Variants in CFI observed in about 807,000 individuals in gnomAD.
CFI encodes C3B/C4B inactivator.
In CFI, 66 loss-of-function variants were observed where a neutral mutation model predicts 78.8. The observed-to-expected ratio is 0.84, with a 90% CI of 0.69 to 1.03. The LOEUF is 1.03. Among genes scored for constraint, CFI ranks in the 50% least tolerant of loss-of-function variants. The pLI is 0.00. For missense variants in CFI, 706 were observed against 704.5 expected (o/e 1.00, Z -0.02); for synonymous variants, 250 against 232.6 (o/e 1.07, Z -0.68).
At chr4:109,744,153 CTTTG>C (rs1419861373) in intron 11 of CFI, among the ~76,000 whole-genome samples, 4 of 152,032 alleles carry the variant, frequency 2.6e-5, no homozygotes, top group Admixed American at 2.6e-4. Context: ...AATGTGTGGA[CTTTG>C]TTTGGATCTT....
intron 10 of CFI, among the ~76,000 whole-genome samples, chr4:109,747,503 C>G (rs1724624350): frequency 6.6e-6 from 1 of 152,116 alleles, no homozygotes; most frequent in South Asian, 2.1e-4. Flanking sequence ...AGGCATCTAC[C>G]ATCATCTTCT....
intron 7 of CFI, among the ~76,000 whole-genome samples, chr4:109,754,281 C>A (rs1345374481): frequency 6.6e-6 from 1 of 151,836 alleles, no homozygotes; most frequent in East Asian, 1.9e-4. Context: ...TGTGCCTGGC[C>A]TCCCAAGGTG....
At chr4:109,766,477 T>G in intron 2 of CFI, 77 bp downstream of exon 2, 10 of 1,535,652 alleles carry the variant, frequency 6.5e-6, no homozygotes, top group African/African-American at 1.4e-5. Flanking sequence ...CACAAGAGAA[T>G]TATTTTCTGA....
At chr4:109,758,704 G>A (rs556162252) in intron 6 of CFI, among the ~76,000 whole-genome samples, 1 of 152,342 alleles carries the variant, frequency 6.6e-6, no homozygotes, top group South Asian at 2.1e-4. Flanking sequence ...GACACACCAA[G>A]CTGATCAAGT....
At chr4:109,772,386 G>T (rs1349340378) in intron 1 of CFI, among the ~76,000 whole-genome samples, 1 of 152,232 alleles carries the variant, frequency 6.6e-6, no homozygotes, top group Admixed American at 6.5e-5. Context: ...AACGATGTGA[G>T]TATGCCTCAT....
chr4:109,786,751 T>A lies in CFI; in HGVS notation c.57+15164A>T, dbSNP rs570310130. ...TATAAAATGTGGAAAATAAAAATAATGTTCACACAGAGATAGTGTGAGGAT... is the reference window on the plus strand; with the variant it reads ...TATAAAATGTGGAAAATAAAAATAAAGTTCACACAGAGATAGTGTGAGGAT... On this transcript the variant is annotated intron_variant, in intron 1 of 12. Transcript: ENST00000394634. Among the ~76,000 whole-genome samples the A allele has an allele frequency of 2.6e-5, 4 of 152,194 alleles. No homozygotes were observed. The South Asian group carries it at 8.3e-4, about 32-fold the overall frequency.
intron 6 of CFI, chr4:109,758,102 A>C: frequency 1.8e-6 from 1 of 542,960 alleles, no homozygotes; most frequent in Non-Finnish European, 3.0e-6. Context: ...TCATCCCTAA[A>C]TAAGAGTAAA....
At chr4:109,771,572 G>T (rs1728595054) in intron 1 of CFI, among the ~76,000 whole-genome samples, 1 of 151,332 alleles carries the variant, frequency 6.6e-6, no homozygotes, top group Admixed American at 6.6e-5. Context: ...AAATTAGCCG[G>T]GCGTAGTGGT....
chr4:109,767,989 G>A (rs1329189008), intron 1 of CFI, among the ~76,000 whole-genome samples: 14 of 151,744 alleles, frequency 9.2e-5, no homozygotes, highest in Non-Finnish European at 7.4e-5. Context: ...GTAGGGACAT[G>A]GATGAAGCTG....
At chr4:109,742,737 G>T (rs1723961462) in intron 11 of CFI, 142 bp from the exon 12 acceptor site, 4 of 633,414 alleles carry the variant, frequency 6.3e-6, no homozygotes, top group Middle Eastern at 8.6e-4. Flanking sequence ...TCCTTAGCGT[G>T]TTTAATCATA....
At chr4:109,784,898 A>T (rs1399209091) in intron 1 of CFI, among the ~76,000 whole-genome samples, 1 of 152,042 alleles carries the variant, frequency 6.6e-6, no homozygotes, top group African/African-American at 2.4e-5. Flanking sequence ...CAACTGAAAG[A>T]ACCACAAAAG....
chr4:109,739,852 T>A (rs1723605604), downstream of CFI, among the ~76,000 whole-genome samples: 1 of 152,116 alleles, frequency 6.6e-6, no homozygotes, highest in Non-Finnish European at 1.5e-5. Context: ...CTAATGCTGC[T>A]GCGATGAGAA....
In CFI at chr4:109,742,883, T is replaced by G. The variant is rs17040799; in HGVS notation, c.1430-288A>C. On this transcript the variant is annotated intron_variant, in intron 11 of 12. Transcript: ENST00000394634. Reference sequence around the variant, plus strand: ...AATCTTTCCCTTTTGGTTGCAGAACTCAGTCAGGCAATTGGATAGGAATCA... The same window carrying G: ...AATCTTTCCCTTTTGGTTGCAGAACGCAGTCAGGCAATTGGATAGGAATCA... 4.7e-3 allele frequency among the ~76,000 whole-genome samples: 711 copies of G among 152,330 alleles called. 8 individuals are homozygous for G. Among genetic ancestry groups the G allele is most frequent in the African/African-American group, 0.016 (683 of 41,574 alleles).
At chr4:109,731,405 A>G in the CFI span, among the ~76,000 whole-genome samples, 1 of 152,180 alleles carries the variant, frequency 6.6e-6, no homozygotes. Flanking sequence ...AAGAATTACC[A>G]ATAAGTTCTA....
intron 6 of CFI, among the ~76,000 whole-genome samples, chr4:109,759,768 C>G (rs1469610101): frequency 6.6e-6 from 1 of 152,126 alleles, no homozygotes; most frequent in African/African-American, 2.4e-5. Context: ...GTGGCAGGTG[C>G]CTGTAATCCC....
the CFI span, among the ~76,000 whole-genome samples, chr4:109,732,034 C>CTCTTCTTCCAGAGAAAT: frequency 2.0e-5 from 3 of 152,054 alleles, no homozygotes; most frequent in Non-Finnish European, 4.4e-5. Context: ...GTTCTTACAA[C>CTCTTCTTCCAGAGAAAT]TCCCTAGTCC....
downstream of CFI, among the ~76,000 whole-genome samples, chr4:109,740,451 G>A (rs1319770550): frequency 3.9e-5 from 6 of 152,142 alleles, no homozygotes; most frequent in Non-Finnish European, 7.4e-5. Flanking sequence ...CCTGTGACAG[G>A]TACTATGCCA....
chr4:109,763,089 A>T (rs1727286781), intron 3 of CFI, among the ~76,000 whole-genome samples: 1 of 152,152 alleles, frequency 6.6e-6, no homozygotes, highest in African/African-American at 2.4e-5. Context: ...AAGGGGTGAG[A>T]TACAAGAAAG....
rs774883753 is a variant in CFI at position 109,740,790 on chromosome 4, G to T, written c.*103C>A. 4.7e-6 allele frequency: 5 copies of T among 1,064,888 alleles called. No homozygotes were observed. The highest frequency in any genetic ancestry group is 5.7e-6 in the Non-Finnish European group (4 of 698,486). The allele number at this position is 1,064,888 out of a possible 1,614,324, so 66.0% of individuals were successfully genotyped here. On this transcript the variant is annotated 3_prime_UTR_variant, in exon 13 of 13. Transcript: ENST00000394634. ...CCTTTAAAAATATCCAGTGAGATTT[G>T]CTTCATTTTTCCCCCCTAGAGAATT...
Sources: allele counts gnomAD v4.1 joint callset (sites outside exome capture counted in the v4.1 genomes callset), GRCh38; gene constraint gnomAD v4.1.1; transcripts MANE v1.5; gene names NCBI Gene and HGNC (gene_info 2026-07-23, HGNC 2026-07-21).